MYOM1: variants seen among roughly 807,000 people sequenced by gnomAD.
MYOM1 encodes the protein myomesin 1.
Under a neutral mutation model 205.3 loss-of-function variants are expected in MYOM1, and 164 were observed. The ratio of observed to expected loss-of-function variants is 0.80; its 90% CI spans 0.70 to 0.91. The LOEUF is 0.91. MYOM1 is among the 40% of genes least tolerant of loss of function. The probability of loss-of-function intolerance (pLI) is 0.00; values close to 1 mark genes in which losing one functional copy is unlikely to be tolerated. For synonymous variants in MYOM1, 772 were observed against 789.4 expected (o/e 0.98, Z 0.37); for missense variants, 2,011 against 2,127.3 (o/e 0.95, Z 1.08).
the MYOM1 span, among the ~76,000 whole-genome samples, chr18:3,245,674 T>C: frequency 2.0e-5 from 3 of 152,208 alleles, no homozygotes; most frequent in African/African-American, 7.2e-5. Context: ...TCATCTTCAA[T>C]CAGCCAGGCC....
intron 10 of MYOM1, among the ~76,000 whole-genome samples, chr18:3,157,556 G>A (rs961779771): frequency 1.3e-5 from 2 of 151,724 alleles, no homozygotes; most frequent in Non-Finnish European, 1.5e-5. Context: ...GCGGGCCTAT[G>A]TTTCCAGTAA....
intron 8 of MYOM1, among the ~76,000 whole-genome samples, chr18:3,170,043 C>A (rs1435663530): frequency 6.6e-6 from 1 of 152,102 alleles, no homozygotes. Flanking sequence ...GTAAGCCAGG[C>A]ACAGAAGAAC....
chr18:3,121,934 C>T (rs950491660), intron 19 of MYOM1, among the ~76,000 whole-genome samples: 1 of 152,148 alleles, frequency 6.6e-6, no homozygotes, highest in African/African-American at 2.4e-5. Flanking sequence ...GCCTGGCCAA[C>T]ATGGTGAAAC....
intron 33 of MYOM1, among the ~76,000 whole-genome samples, chr18:3,081,093 T>C (rs2079080339): frequency 6.7e-6 from 1 of 149,804 alleles, no homozygotes; most frequent in Non-Finnish European, 1.5e-5. Context: ...ATCACGCCAC[T>C]GCACTCCAGC....
intron 14 of MYOM1, among the ~76,000 whole-genome samples, chr18:3,139,937 A>C (rs2080024404): frequency 6.6e-6 from 1 of 152,172 alleles, no homozygotes; most frequent in Non-Finnish European, 1.5e-5. Flanking sequence ...AAACGCCTCC[A>C]AATAGTTGTT....
At chr18:3,114,099 G>T (rs1567912455) in intron 21 of MYOM1, among the ~76,000 whole-genome samples, 1 of 152,192 alleles carries the variant, frequency 6.6e-6, no homozygotes, top group Non-Finnish European at 1.5e-5. Context: ...AATAATGCCA[G>T]GAAACTGTGG....
chr18:3,109,138 C>A (rs560734409), intron 22 of MYOM1, among the ~76,000 whole-genome samples: 1 of 151,720 alleles, frequency 6.6e-6, no homozygotes, highest in African/African-American at 2.4e-5. Flanking sequence ...CCGCCACACG[C>A]CCAGCTAATT....
intron 22 of MYOM1, among the ~76,000 whole-genome samples, chr18:3,107,139 A>T (rs1055630460): frequency 6.6e-6 from 1 of 151,842 alleles, no homozygotes; most frequent in Non-Finnish European, 1.5e-5. Flanking sequence ...TTTTTTTGAG[A>T]CGGAGTCTCA....
At chr18:3,134,389 A>C (rs1398050861) in intron 16 of MYOM1, among the ~76,000 whole-genome samples, 6 of 148,898 alleles carry the variant, frequency 4.0e-5, no homozygotes, top group Non-Finnish European at 7.4e-5. Flanking sequence ...GCTTATTTAA[A>C]GTATAATGTT....
At position 3,168,866 on chromosome 18, in the gene MYOM1, G is replaced by A. The variant is rs1302966223; in HGVS notation, c.1290C>T (p.Ile430=). The A allele has an allele frequency of 1.2e-6, 2 of 1,613,918 alleles. No individual in the cohort carries two copies. Among genetic ancestry groups the A allele is most frequent in the South Asian group, 2.2e-5 (2 of 91,078 alleles). Residue 430 remains isoleucine (I), a synonymous_variant, in exon 9 of 38, where the codon ATC becomes ATT. Transcript: ENST00000356443. ...ETMSLGCRVV[I]TPEIKHFQPE... is the part of the protein sequence containing the mutation. ...GCTGGAAATGTTTAATTTCAGGAGTGATGACAACACGACAGCCTAGACTCA... is the reference window on the plus strand; with the variant it reads ...GCTGGAAATGTTTAATTTCAGGAGTAATGACAACACGACAGCCTAGACTCA...
At chr18:3,182,339 C>T (rs571162019) in intron 5 of MYOM1, among the ~76,000 whole-genome samples, 2 of 152,086 alleles carry the variant, frequency 1.3e-5, no homozygotes, top group African/African-American at 2.4e-5. Flanking sequence ...ATGTAAATGA[C>T]GAGTTGATGG....
At chr18:3,084,082 T>C (rs1567896511) in intron 31 of MYOM1, 55 bp from the exon 32 acceptor site, 1 of 1,535,338 alleles carries the variant, frequency 6.5e-7, no homozygotes, top group East Asian at 2.4e-5. Context: ...CAATGTAAGG[T>C]TAAATCTCAA....
chr18:3,134,899 C>T lies in MYOM1; in HGVS notation c.2210-75G>A, dbSNP rs1164914751. 3 of 1,429,818 alleles carry T rather than the reference C, an allele frequency of 2.1e-6. No homozygotes were observed. In the East Asian group the frequency reaches 6.8e-5, roughly 33 times the overall value. The allele number at this position is 1,429,818 out of a possible 1,614,324, so 88.6% of individuals were successfully genotyped here. A position where few individuals can be genotyped will look rare whatever the true frequency, so the allele number is the denominator to read the frequency against. ...TCCTTATCATCTATGCACAAACACA[C>T]ACCTAGGTATTTTACACACTTCGTC... On this transcript the variant is annotated intron_variant, in intron 15 of 37. Transcript: ENST00000356443.
chr18:3,096,738 A>T (rs4129928), intron 25 of MYOM1, among the ~76,000 whole-genome samples: 1 of 152,250 alleles, frequency 6.6e-6, no homozygotes, highest in African/African-American at 2.4e-5. Context: ...AGGGGTAAAA[A>T]CCGGTGTCTG....
intron 13 of MYOM1, among the ~76,000 whole-genome samples, chr18:3,148,339 C>G (rs2080159684): frequency 6.6e-6 from 1 of 152,172 alleles, no homozygotes; most frequent in South Asian, 2.1e-4. Flanking sequence ...CGAATTGATA[C>G]ACACACCAAC....
chr18:3,158,754 T>C (rs1444689945), intron 10 of MYOM1, among the ~76,000 whole-genome samples: 5 of 152,102 alleles, frequency 3.3e-5, no homozygotes, highest in Non-Finnish European at 7.4e-5. Context: ...GCTAGGATTA[T>C]AGGTATACTC....
At chr18:3,220,820 G>C (rs2081322752), upstream of MYOM1, among the ~76,000 whole-genome samples, 1 of 152,192 alleles carries the variant, frequency 6.6e-6, no homozygotes, top group Non-Finnish European at 1.5e-5. Context: ...GTGATTAAAT[G>C]TGATACTGCA....
At position 3,089,555 on chromosome 18, in the gene MYOM1, C is replaced by G. The variant is rs941347333; in HGVS notation, c.4051G>C (p.Glu1351Gln). ...TTTTTACCTTGTTTCCTGATCCATT[C>G]TTGCCGCTGGAATTCAGCTTCTTTC... ...LQKEAEFQRQ[E>Q]WIRKQGPHFV... The change falls in exon 28 of 38, where the codon GAA becomes CAA. Residue 1351 changes from glutamate to glutamine, a missense_variant. By Grantham distance (29) the Glu-to-Gln change is conservative. Transcript: ENST00000356443. The G allele has an allele frequency of 6.2e-7, 1 of 1,609,576 alleles. No homozygotes were observed. The highest frequency in any genetic ancestry group is 8.5e-7 in the Non-Finnish European group (1 of 1,177,988).
intron 2 of MYOM1, among the ~76,000 whole-genome samples, chr18:3,198,478 C>T (rs72861627): frequency 0.21 from 31,330 of 152,094 alleles, 3,276 homozygotes; most frequent in South Asian, 0.25. Flanking sequence ...TAAATGTTTA[C>T]TGAATGAAGT....
Sources: gnomAD v4.1 joint callset for allele counts (sites outside exome capture counted in the v4.1 genomes callset) on GRCh38, gnomAD v4.1.1 for gene constraint, MANE v1.5 for transcripts, NCBI Gene and HGNC (gene_info 2026-07-23, HGNC 2026-07-21) for gene names.